The following SNURF variants were observed in gnomAD, a reference collection of about 807,000 sequenced individuals.
The protein encoded by SNURF is SNURF protein.
A neutral mutation model predicts 11.6 loss-of-function variants in SNURF; 6 were observed. The ratio of observed to expected loss-of-function variants is 0.52; its 90% CI spans 0.28 to 1.02. The LOEUF is 1.02. Among genes scored for constraint, SNURF ranks in the 50% least tolerant of loss-of-function variants. The probability of loss-of-function intolerance (pLI) is 0.09; values close to 1 mark genes in which losing one functional copy is unlikely to be tolerated. For missense variants in SNURF, 84 were observed against 88.4 expected (o/e 0.95, Z 0.20); for synonymous variants, 29 against 31.6 (o/e 0.92, Z 0.27).
At chr15:24,965,485 C>G (rs1025297860) in intron 2 of SNURF, among the ~76,000 whole-genome samples, 4 of 152,132 alleles carry the variant, frequency 2.6e-5, no homozygotes, top group Non-Finnish European at 4.4e-5. Context: ...TGCAGTGAGC[C>G]GAGATGGTGC....
intron 2 of SNURF, 57 bp from the exon 3 acceptor site, chr15:24,967,875 T>C: frequency 2.7e-6 from 4 of 1,465,652 alleles, no homozygotes; most frequent in Non-Finnish European, 3.8e-6. Flanking sequence ...TTTCATATGG[T>C]TTCCTATAAA....
chr15:24,961,608 T>C (rs527938459), intron 1 of SNURF, among the ~76,000 whole-genome samples: 5 of 152,346 alleles, frequency 3.3e-5, no homozygotes, highest in African/African-American at 1.2e-4. Flanking sequence ...AGCTCTTCTA[T>C]TGCTTTGCAA....
At chr15:24,967,697 A>T (rs2075850007) in intron 2 of SNURF, among the ~76,000 whole-genome samples, 1 of 150,938 alleles carries the variant, frequency 6.6e-6, no homozygotes, top group South Asian at 2.1e-4. Flanking sequence ...AATCCCAGCT[A>T]CTTGGGAGGC....
intron 2 of SNURF, among the ~76,000 whole-genome samples, chr15:24,965,846 T>TA (rs1486494430): frequency 6.6e-6 from 1 of 151,900 alleles, no homozygotes; most frequent in Non-Finnish European, 1.5e-5. Context: ...AGAATTATCT[T>TA]ACGTTTCAAG....
chr15:24,955,692 G>C (rs1479803743), intron 1 of SNURF, among the ~76,000 whole-genome samples: 3 of 150,386 alleles, frequency 2.0e-5, no homozygotes, highest in African/African-American at 7.4e-5. Flanking sequence ...TGGGGGTTGT[G>C]TTGGTGGTCG....
chr15:24,955,151 G>A, intron 1 of SNURF, 89 bp downstream of exon 1: 1 of 1,561,248 alleles, frequency 6.4e-7, no homozygotes, highest in Non-Finnish European at 8.8e-7. Flanking sequence ...AGGACTTGGA[G>A]TACTGAATAA....
chr15:24,971,357 ATTTTC>A (rs1438538050), downstream of SNURF, among the ~76,000 whole-genome samples: 1 of 151,920 alleles, frequency 6.6e-6, no homozygotes, highest in Non-Finnish European at 1.5e-5. Flanking sequence ...GCAGTGATTT[ATTTTC>A]TTCTTTCACT....
chr15:24,977,910 C>T, downstream of SNURF: 2 of 1,563,524 alleles, frequency 1.3e-6, no homozygotes, highest in South Asian at 1.2e-5. Flanking sequence ...AGCAACCCCA[C>T]CTCCAGGTAA....
chr15:24,956,106 C>A (rs959751692), intron 1 of SNURF, among the ~76,000 whole-genome samples: 14 of 152,108 alleles, frequency 9.2e-5, no homozygotes, highest in African/African-American at 3.4e-4. Flanking sequence ...CTTTAGGAAC[C>A]CTCGCTTTAG....
In SNURF at chr15:24,963,352, C is replaced by T. The variant is rs540533586; in HGVS notation, c.110+1143C>T. On this transcript the variant is annotated intron_variant, in intron 2 of 2. Transcript: ENST00000577949. Reference sequence around the variant, plus strand: ...GCAGTGTAGGCCAGGCATGGTGGCCCATGCCTGTAATCCCAGCACTTTGGG... The same window carrying T: ...GCAGTGTAGGCCAGGCATGGTGGCCTATGCCTGTAATCCCAGCACTTTGGG... Among the ~76,000 whole-genome samples, 28 of 152,278 alleles carry T rather than the reference C, an allele frequency of 1.8e-4. No individual in the cohort carries two copies. The East Asian group carries it at 5.4e-3, about 29-fold the overall frequency.
At chr15:24,962,662 A>G (rs1486830986) in intron 2 of SNURF, among the ~76,000 whole-genome samples, 1 of 152,186 alleles carries the variant, frequency 6.6e-6, no homozygotes, top group Non-Finnish European at 1.5e-5. Flanking sequence ...TGTTTTAAGT[A>G]TATATATGTG....
At chr15:24,976,485 A>G (rs2077073326) in intron 5 of SNURF, 1 of 1,056,366 alleles carries the variant, frequency 9.5e-7, no homozygotes, top group Admixed American at 2.1e-5. Context: ...GATGTCTGAA[A>G]TCAGGGTAGA....
At chr15:24,958,509 T>TAAAA (rs2074239013) in intron 1 of SNURF, among the ~76,000 whole-genome samples, 1 of 140,074 alleles carries the variant, frequency 7.1e-6, no homozygotes, top group African/African-American at 2.7e-5. Flanking sequence ...TTTTTTTTTT[T>TAAAA]TTTTTTTTTT....
At chr15:24,975,401 G>A in exon 4 of SNURF, 1 of 1,613,466 alleles carries the variant, frequency 6.2e-7, no homozygotes, top group Non-Finnish European at 8.5e-7. Flanking sequence ...ATTGACTATA[G>A]AATGAGATGT....
chr15:24,962,932 T>G (rs145843075), intron 2 of SNURF, among the ~76,000 whole-genome samples: 1 of 152,178 alleles, frequency 6.6e-6, no homozygotes, highest in African/African-American at 2.4e-5. Flanking sequence ...GTATTAAAAA[T>G]TCATGAAGAT....
intron 1 of SNURF, among the ~76,000 whole-genome samples, chr15:24,960,033 G>C (rs993106776): frequency 5.9e-5 from 9 of 152,106 alleles, no homozygotes; most frequent in Admixed American, 5.2e-4. Flanking sequence ...GGGAGGCCGA[G>C]GTGGGTAGAT....
exon 3 of SNURF, chr15:24,968,165 C>T (rs893586780): frequency 1.2e-6 from 1 of 835,542 alleles, no homozygotes; most frequent in African/African-American, 1.7e-5. Context: ...ATCAGTGACA[C>T]ATTAATTTTT....
chr15:24,955,546 C>T (rs575714635), intron 1 of SNURF, among the ~76,000 whole-genome samples: 33 of 143,378 alleles, frequency 2.3e-4, no homozygotes, highest in African/African-American at 8.0e-4. Flanking sequence ...GGGTGTTGAG[C>T]GCAGGTAGGT....
chr15:24,962,300 C>T, intron 2 of SNURF, 91 bp downstream of exon 2: 1 of 1,032,778 alleles, frequency 9.7e-7, no homozygotes, highest in Non-Finnish European at 1.5e-6. Context: ...TTAAAATGAA[C>T]ATAATTGAAG....
Sources: allele counts gnomAD v4.1 joint callset (sites outside exome capture counted in the v4.1 genomes callset), GRCh38; gene constraint gnomAD v4.1.1; transcripts MANE v1.5; gene names NCBI Gene and HGNC (gene_info 2026-07-23, HGNC 2026-07-21).